Variants in AGAP1 observed in about 807,000 individuals in gnomAD.
AGAP1 encodes ArfGAP with GTPase domain, ankyrin repeat and PH domain 1, also known as arf-GAP with GTPase, ANK repeat and PH domain-containing protein 1.
A neutral mutation model predicts 105.3 loss-of-function variants in AGAP1; 29 were observed. The observed-to-expected ratio is 0.28, with a 90% confidence interval of 0.21 to 0.38. The LOEUF is 0.38. AGAP1 is among the 10% of genes least tolerant of loss of function. The pLI, the probability that AGAP1 is intolerant of heterozygous loss-of-function variation, is 1.00. For synonymous variants in AGAP1, 509 were observed against 485.9 expected, an observed-to-expected ratio of 1.05 and a Z score of -0.63; for missense variants, 998 against 1,165.1, an observed-to-expected ratio of 0.86 and a Z score of 2.09.
chr2:235,699,642 CCTCAGAGATGCAAA>C (rs1950160886), intron 1 of AGAP1, among the ~76,000 whole-genome samples: 1 of 152,202 alleles, frequency 6.6e-6, no homozygotes, highest in Non-Finnish European at 1.5e-5. Flanking sequence ...GGTTAACATC[CCTCAGAGATGCAAA>C]CTCAGAAGCA....
At chr2:235,923,889 A>G (rs546623385) in intron 11 of AGAP1, among the ~76,000 whole-genome samples, 150 of 152,338 alleles carry the variant, frequency 9.8e-4, no homozygotes, top group African/African-American at 3.6e-3. Context: ...AGGAAAAAAA[A>G]AGAAGTGGAC....
intron 9 of AGAP1, among the ~76,000 whole-genome samples, chr2:235,811,437 C>T (rs1405638082): frequency 6.6e-6 from 1 of 152,256 alleles, no homozygotes; most frequent in Non-Finnish European, 1.5e-5. Flanking sequence ...AACCTCCTCA[C>T]TACATCTTTT....
intron 12 of AGAP1, among the ~76,000 whole-genome samples, chr2:235,940,258 C>T (rs779686643): frequency 1.2e-4 from 18 of 152,142 alleles, no homozygotes; most frequent in Non-Finnish European, 2.5e-4. Context: ...TCTGCTGCGT[C>T]GGTCCTAACT....
rs866949705 is a variant in AGAP1 at position 235,701,813 on chromosome 2, C to T, written c.164-7366C>T. Reference sequence around the variant, plus strand: ...CTCCACTTCCTTCCTCGGCACAGAACTGACAGGCTGTGGCAGCCACAGCCT... The same window carrying T: ...CTCCACTTCCTTCCTCGGCACAGAATTGACAGGCTGTGGCAGCCACAGCCT... On this transcript the variant is annotated intron_variant, in intron 1 of 17. Transcript: ENST00000304032. The surrounding 1 kb of genome is among the most constrained non-coding windows in gnomAD (Gnocchi z 4.1). 6.6e-6 allele frequency among the ~76,000 whole-genome samples: 1 copy of T among 152,106 alleles called. No homozygotes were observed. The highest frequency in any genetic ancestry group is 2.4e-5 in the African/African-American group (1 of 41,432).
In AGAP1 at chr2:236,092,620, C is replaced by T. The variant is rs903547298; in HGVS notation, c.2115-27572C>T. ...TGTTAGCCAGGATGGTCTCGATCTC[C>T]TGACCTCATGATCCACCCGCCTTGG... On this transcript the variant is annotated intron_variant, in intron 16 of 17. Coordinates refer to ENST00000304032, the MANE Select transcript of AGAP1 (RefSeq NM_001037131.3). The surrounding 1 kb of genome is among the most constrained non-coding windows in gnomAD (Gnocchi z 4.7). 6.6e-6 allele frequency among the ~76,000 whole-genome samples: 1 copy of T among 152,200 alleles called. No homozygotes were observed. The highest frequency in any genetic ancestry group is 2.4e-5 in the African/African-American group (1 of 41,448).
In AGAP1 at chr2:235,971,741, TTTTATTTATTTATTTA is replaced by T. The variant is rs199729717; in HGVS notation, c.1645+3149_1645+3164del. Reference sequence around the variant, plus strand: ...ACTAAAGCTAGTTATATATGTTTTATTTTATTTATTTATTTATTTATTTATTTATTTATTTATTTAT... The same window carrying T: ...ACTAAAGCTAGTTATATATGTTTTATTTTATTTATTTATTTATTTATTTAT... On this transcript the variant is annotated intron_variant, in intron 13 of 17. Transcript: ENST00000304032. This position sits in a 1 kb window ranked among gnomAD's most constrained non-coding sequence, Gnocchi z 4.8. Among the ~76,000 whole-genome samples, 321 of 145,724 alleles carry T rather than the reference TTTTATTTATTTATTTA, an allele frequency of 2.2e-3. No individual in the cohort carries two copies. The highest frequency in any genetic ancestry group is 0.018 in the Middle Eastern group (5 of 280).
chr2:235,855,896 ATAT>A lies in AGAP1; in HGVS notation c.1051-27439_1051-27437del, dbSNP rs1175559224. Among the ~76,000 whole-genome samples, 2 of 152,018 alleles carry A rather than the reference ATAT, an allele frequency of 1.3e-5. No homozygotes were observed. Among genetic ancestry groups the A allele is most frequent in the African/African-American group, 2.4e-5 (1 of 41,358 alleles). ...CAGCCTTGTCTCAGAAGTACTGAGA[ATAT>A]TATTATTATCATTATTATTATTATT... is the stretch of plus-strand genomic sequence containing the variant. On this transcript the variant is annotated intron_variant, in intron 9 of 17. Transcript: ENST00000304032. The surrounding 1 kb of genome is among the most constrained non-coding windows in gnomAD (Gnocchi z 5.0).
rs1961392591 is a variant in AGAP1, at chr2:235,845,667, G to T, written c.1051-37678G>T. On this transcript the variant is annotated intron_variant, in intron 9 of 17. Transcript: ENST00000304032. This position sits in a 1 kb window ranked among gnomAD's most constrained non-coding sequence, Gnocchi z 4.8. ...TTTCTGGTATAATCTGCTTGTCTTT[G>T]CCTCTCGGTGACATCCACGGAGTCA... 6.6e-6 allele frequency among the ~76,000 whole-genome samples: 1 copy of T among 151,386 alleles called. No homozygotes were observed. Among genetic ancestry groups the T allele is most frequent in the Admixed American group, 6.6e-5 (1 of 15,212 alleles).
rs200063786 is a variant in AGAP1 at position 235,717,508 on chromosome 2, C to T, written c.223-49C>T. The T allele has an allele frequency of 3.0e-4, 461 of 1,512,886 alleles. 3 individuals carry two copies. In the African/African-American group the frequency reaches 5.7e-3, roughly 19 times the overall value. 93.7% of individuals were successfully genotyped at this position (1,512,886 alleles called of 1,614,324 possible). ...TAGCCTCTTAGTATTTGCAAAATGC[C>T]AAATAGAGTGATTTGATGATGCTTA... On this transcript the variant is annotated intron_variant, in intron 2 of 17. Transcript: ENST00000304032.
chr2:235,548,960 G>A (rs1431631313), intron 1 of AGAP1, among the ~76,000 whole-genome samples: 2 of 152,166 alleles, frequency 1.3e-5, no homozygotes, highest in Admixed American at 6.5e-5. Context: ...TACAGAAAAA[G>A]CATCTGTACC....
At chr2:235,643,305 C>A (rs1433952289) in intron 1 of AGAP1, among the ~76,000 whole-genome samples, 1 of 151,584 alleles carries the variant, frequency 6.6e-6, no homozygotes, top group Admixed American at 6.6e-5. Context: ...GTGGCGGGCA[C>A]CTGTAGTCCC....
chr2:235,686,546 GAT>G (rs72137817), intron 1 of AGAP1, among the ~76,000 whole-genome samples: 4,298 of 70,202 alleles, frequency 0.061, 97 homozygotes, highest in Middle Eastern at 0.098. Flanking sequence ...CCAGGAAGGA[GAT>G]ATATATATAC....
chr2:235,871,657 C>A (rs555638713), intron 9 of AGAP1, among the ~76,000 whole-genome samples: 1 of 152,238 alleles, frequency 6.6e-6, no homozygotes, highest in Non-Finnish European at 1.5e-5. Flanking sequence ...GCATAAGGAT[C>A]CACCCTGAAA....
chr2:235,819,651 T>C (rs537225449), intron 9 of AGAP1, among the ~76,000 whole-genome samples: 1 of 152,228 alleles, frequency 6.6e-6, no homozygotes, highest in South Asian at 2.1e-4. Context: ...AGATGTGTGC[T>C]CTTTCCTTTT....
In AGAP1 at chr2:236,040,927, C is replaced by T. The variant is rs1224228964; in HGVS notation, c.1891+86C>T. 8 of 1,341,554 alleles carry T rather than the reference C, an allele frequency of 6.0e-6. 1 individual carries two copies. The highest frequency in any genetic ancestry group is 4.3e-5 in the African/African-American group (3 of 69,228). 83.1% of individuals were successfully genotyped at this position (1,341,554 alleles called of 1,614,324 possible). A position where few individuals can be genotyped will look rare whatever the true frequency, so the allele number is the denominator to read the frequency against. ...CTAGGCCCGGGTTGCAGGGGACTCA[C>T]ATCTGTCCTGTTTGGCAGATAAGAG... is the stretch of plus-strand genomic sequence containing the variant. On this transcript the variant is annotated intron_variant, in intron 15 of 17. Transcript: ENST00000304032. This position sits in a 1 kb window ranked among gnomAD's most constrained non-coding sequence, Gnocchi z 5.6.
At chr2:235,806,739 G>A (rs932970480) in intron 8 of AGAP1, among the ~76,000 whole-genome samples, 3 of 152,284 alleles carry the variant, frequency 2.0e-5, no homozygotes, top group Non-Finnish European at 4.4e-5. Context: ...AAGCAAAAAC[G>A]GAAAATGTTA....
intron 1 of AGAP1, among the ~76,000 whole-genome samples, chr2:235,498,612 T>G (rs905607749): frequency 6.6e-6 from 1 of 152,230 alleles, no homozygotes; most frequent in African/African-American, 2.4e-5. Flanking sequence ...AAGCTTGTTC[T>G]TCTTTCAAGG....
Position 235,953,272 on chromosome 2 carries a change from A to G in AGAP1, c.1484-15190A>G, listed in dbSNP as rs182341974. On this transcript the variant is annotated intron_variant, in intron 12 of 17. Coordinates refer to ENST00000304032, the MANE Select transcript of AGAP1 (RefSeq NM_001037131.3). The surrounding 1 kb of genome is among the most constrained non-coding windows in gnomAD (Gnocchi z 5.2). The stretch of plus-strand genomic sequence containing the variant: ...AATTTTGCAAATTAGCATTTGATTT[A>G]ACCCCCAAAAAAGTACCCCGATGGT... Among the ~76,000 whole-genome samples, 762 of 152,362 alleles carry G rather than the reference A, an allele frequency of 5.0e-3. 4 individuals are homozygous for G. Among genetic ancestry groups the G allele is most frequent in the Non-Finnish European group, 6.4e-3 (436 of 68,036 alleles).
At chr2:235,942,788 C>G (rs2053322643) in intron 12 of AGAP1, among the ~76,000 whole-genome samples, 1 of 151,838 alleles carries the variant, frequency 6.6e-6, no homozygotes, top group African/African-American at 2.4e-5. Flanking sequence ...TGCAAATTTT[C>G]AATTTCAGGG....
Sources: allele counts gnomAD v4.1 joint callset (sites outside exome capture counted in the v4.1 genomes callset), GRCh38; gene constraint gnomAD v4.1.1; non-coding constraint Gnocchi (gnomAD v3.1); transcripts MANE v1.5; gene names NCBI Gene and HGNC (gene_info 2026-07-23, HGNC 2026-07-21).